RALYL: variants seen among roughly 807,000 people sequenced by gnomAD.
RALYL encodes the protein RNA-binding Raly-like protein.
In RALYL, 29 loss-of-function variants were observed where a neutral mutation model predicts 35.1. The ratio of observed to expected loss-of-function variants is 0.83; its 90% CI spans 0.61 to 1.13. RALYL has a LOEUF of 1.13. Ranked by LOEUF, RALYL falls within the 50% of genes most tolerant of loss-of-function variation. The probability of loss-of-function intolerance (pLI) is 0.00; values close to 1 mark genes in which losing one functional copy is unlikely to be tolerated. For missense variants in RALYL, 359 were observed against 360.4 expected (o/e 1.00, Z 0.03); for synonymous variants, 120 against 127.6 (o/e 0.94, Z 0.40).
intron 4 of RALYL, among the ~76,000 whole-genome samples, chr8:84,814,981 T>G (rs1024748845): frequency 1.3e-5 from 2 of 152,244 alleles, no homozygotes; most frequent in African/African-American, 4.8e-5. Flanking sequence ...CTGGGAGCCA[T>G]CATCTACAAG....
At chr8:84,515,408 T>C (rs1158762389) in intron 1 of RALYL, among the ~76,000 whole-genome samples, 2 of 152,192 alleles carry the variant, frequency 1.3e-5, no homozygotes, top group Non-Finnish European at 2.9e-5. Context: ...TCATTTGAAA[T>C]AGGAATTACA....
chr8:84,253,453 G>A (rs1256664415), intron 1 of RALYL, among the ~76,000 whole-genome samples: 1 of 150,998 alleles, frequency 6.6e-6, no homozygotes, highest in East Asian at 2.0e-4. Flanking sequence ...GCCTGCCTCA[G>A]CCTCTCAAAG....
intron 1 of RALYL, among the ~76,000 whole-genome samples, chr8:84,330,152 A>G (rs1563743552): frequency 6.6e-6 from 1 of 152,074 alleles, no homozygotes; most frequent in African/African-American, 2.4e-5. Context: ...CTCTGGAATA[A>G]AAGAAATACA....
At chr8:84,857,731 A>G (rs536110101) in intron 5 of RALYL, among the ~76,000 whole-genome samples, 1 of 152,316 alleles carries the variant, frequency 6.6e-6, no homozygotes, top group Non-Finnish European at 1.5e-5. Flanking sequence ...ATGAGCTAGA[A>G]TACATGACTG....
intron 2 of RALYL, among the ~76,000 whole-genome samples, chr8:84,752,857 G>A (rs1810409681): frequency 6.6e-6 from 1 of 152,212 alleles, no homozygotes; most frequent in Non-Finnish European, 1.5e-5. Flanking sequence ...TGTCCAGGCA[G>A]AATACTGCTG....
chr8:84,280,964 G>A (rs1402450057), intron 1 of RALYL, among the ~76,000 whole-genome samples: 2 of 152,044 alleles, frequency 1.3e-5, no homozygotes, highest in Non-Finnish European at 2.9e-5. Context: ...GTGATGTTGT[G>A]AGCCTGTGTT....
intron 2 of RALYL, among the ~76,000 whole-genome samples, chr8:84,666,934 T>C (rs1832187281): frequency 6.6e-6 from 1 of 152,108 alleles, no homozygotes; most frequent in African/African-American, 2.4e-5. Flanking sequence ...CAAGACATTG[T>C]TTCTGCTATA....
chr8:84,633,099 T>C (rs938146788), intron 2 of RALYL, among the ~76,000 whole-genome samples: 2 of 124,218 alleles, frequency 1.6e-5, no homozygotes, highest in South Asian at 3.0e-4. Context: ...ATTTCTTTAC[T>C]ACAATTGATA....
At chr8:84,339,470 A>G (rs1459109022) in intron 1 of RALYL, among the ~76,000 whole-genome samples, 11 of 151,702 alleles carry the variant, frequency 7.3e-5, no homozygotes, top group Admixed American at 2.0e-4. Flanking sequence ...ATGTTCTGTC[A>G]TTGTCTCCCA....
chr8:84,210,744 A>T, intron 1 of RALYL, among the ~76,000 whole-genome samples: 1 of 151,980 alleles, frequency 6.6e-6, no homozygotes, highest in East Asian at 1.9e-4. Flanking sequence ...CACCAACTTA[A>T]TTTTTCAGCA....
chr8:84,483,343 C>G (rs2054249421), intron 1 of RALYL, among the ~76,000 whole-genome samples: 2 of 152,208 alleles, frequency 1.3e-5, no homozygotes, highest in South Asian at 4.1e-4. Context: ...ACTTTTTACT[C>G]TTCATCTTCT....
chr8:84,402,263 A>G (rs28693563), intron 1 of RALYL, among the ~76,000 whole-genome samples: 8,980 of 152,280 alleles, frequency 0.059, 302 homozygotes, highest in Middle Eastern at 0.099. Flanking sequence ...TATGCTACCT[A>G]AGATAAACAT....
chr8:84,540,227 T>C (rs901474517), intron 2 of RALYL, among the ~76,000 whole-genome samples: 2 of 151,862 alleles, frequency 1.3e-5, no homozygotes, highest in Admixed American at 6.6e-5. Flanking sequence ...TAGAATAATA[T>C]TGAAGAGCAA....
intron 2 of RALYL, among the ~76,000 whole-genome samples, chr8:84,681,788 G>T (rs1835570290): frequency 6.6e-6 from 1 of 152,172 alleles, no homozygotes; most frequent in African/African-American, 2.4e-5. Flanking sequence ...TCTGCAAACA[G>T]GGACAATTTG....
chr8:84,731,353 G>A (rs1191053196), intron 2 of RALYL, among the ~76,000 whole-genome samples: 1 of 152,134 alleles, frequency 6.6e-6, no homozygotes, highest in East Asian at 1.9e-4. Flanking sequence ...GATCAGAGAA[G>A]TATTTTATTT....
intron 1 of RALYL, among the ~76,000 whole-genome samples, chr8:84,409,427 AG>A (rs1316609893): frequency 6.6e-6 from 1 of 152,064 alleles, no homozygotes; most frequent in African/African-American, 2.4e-5. Context: ...CCAGAACAAC[AG>A]GGGACAGCTT....
At chr8:84,729,676 A>C (rs1845742689) in intron 2 of RALYL, among the ~76,000 whole-genome samples, 1 of 152,096 alleles carries the variant, frequency 6.6e-6, no homozygotes, top group Non-Finnish European at 1.5e-5. Flanking sequence ...AATCAAATAG[A>C]CGCAATAAAA....
intron 2 of RALYL, among the ~76,000 whole-genome samples, chr8:84,671,765 T>A (rs1833296071): frequency 6.6e-6 from 1 of 152,182 alleles, no homozygotes; most frequent in Non-Finnish European, 1.5e-5. Flanking sequence ...AACCATTTTT[T>A]CCTTCTAGGC....
chr8:84,783,318 A>G (rs1419932864), intron 3 of RALYL, among the ~76,000 whole-genome samples: 1 of 152,224 alleles, frequency 6.6e-6, no homozygotes, highest in Non-Finnish European at 1.5e-5. Context: ...AAAAGCTTGT[A>G]TTATCGAATA....
Sources: allele counts gnomAD v4.1 joint callset (sites outside exome capture counted in the v4.1 genomes callset), GRCh38; gene constraint gnomAD v4.1.1; transcripts MANE v1.5; gene names NCBI Gene and HGNC (gene_info 2026-07-23, HGNC 2026-07-21).